CETN3: variants seen among roughly 807,000 people sequenced by gnomAD.
CETN3 encodes centrin 3, also known as centrin-3.
CETN3 carries 17 observed loss-of-function variants against 20.1 expected under a neutral mutation model. The ratio of observed to expected loss-of-function variants is 0.85; its 90% CI spans 0.58 to 1.27. The LOEUF (loss-of-function observed/expected upper bound fraction) is 1.27. Among genes scored for constraint, CETN3 ranks in the 50% most tolerant of loss-of-function variants. CETN3 has a pLI of 0.00. For synonymous variants in CETN3, 52 were observed against 59.7 expected (o/e 0.87, Z 0.59); for missense variants, 169 against 191.2 (o/e 0.88, Z 0.69).
At chr5:90,394,184 A>G in intron 4 of CETN3, 77 bp from the exon 5 acceptor site, 1 of 967,508 alleles carries the variant, frequency 1.0e-6, no homozygotes, top group East Asian at 2.6e-5. Context: ...ACCATTTTAC[A>G]CTAAGTATTT....
intron 2 of CETN3, among the ~76,000 whole-genome samples, chr5:90,406,420 G>T (rs1008031642): frequency 4.0e-5 from 6 of 151,594 alleles, no homozygotes; most frequent in Non-Finnish European, 7.4e-5. Context: ...AAACGAATAG[G>T]TTCGAAGGAC....
chr5:90,409,092 G>C (rs1184226824), intron 1 of CETN3, among the ~76,000 whole-genome samples: 1 of 152,186 alleles, frequency 6.6e-6, no homozygotes, highest in African/African-American at 2.4e-5. Flanking sequence ...CAGAGGGTTA[G>C]AGGTTAGAAC....
chr5:90,394,074 C>T lies in CETN3; in HGVS notation c.494G>A (p.Gly165Asp). Residue 165 changes from glycine (G) to aspartate (D), a missense_variant, in exon 5 of 5, where the codon GGT (glycine) becomes GAT (aspartate). By Grantham distance (94) the Gly-to-Asp change is moderately conservative (BLOSUM62 -1). Coordinates refer to ENST00000283122, the MANE Select transcript of CETN3 (RefSeq NM_004365.4). Reference sequence around the variant, plus strand: ...TATCCTTGTAATTCTTTAAATGTCACCAGTCATAATAGCAATGAACTCCTC... The same window carrying T: ...TATCCTTGTAATTCTTTAAATGTCATCAGTCATAATAGCAATGAACTCCTC... ...NQEEFIAIMT[G>D]DI is the part of the protein sequence containing the mutation. The T allele has an allele frequency of 6.5e-7, 1 of 1,545,376 alleles. No individual in the cohort carries two copies. Among genetic ancestry groups the T allele is most frequent in the East Asian group, 2.3e-5 (1 of 43,432 alleles).
At chr5:90,398,881 T>G (rs905876197) in intron 4 of CETN3, among the ~76,000 whole-genome samples, 4 of 152,228 alleles carry the variant, frequency 2.6e-5, no homozygotes, top group African/African-American at 9.6e-5. Context: ...GAACCACATC[T>G]GCCTTTTTCA....
chr5:90,399,635 A>G, intron 3 of CETN3, 86 bp from the exon 4 acceptor site: 1 of 1,055,432 alleles, frequency 9.5e-7, no homozygotes, highest in Non-Finnish European at 1.4e-6. Flanking sequence ...ATTAGATGAG[A>G]ATTAAAGCTG....
Position 90,405,685 on chromosome 5 carries a change from C to G in CETN3, c.268G>C (p.Val90Leu). The G allele has an allele frequency of 1.9e-6, 3 of 1,567,164 alleles. No homozygotes were observed. Among genetic ancestry groups the G allele is most frequent in the Non-Finnish European group, 2.6e-6 (3 of 1,137,704 alleles). The change falls in exon 3 of 5, where the codon GTG becomes CTG. Residue 90 changes from valine (V) to leucine (L), a missense_variant and splice_region_variant. Transcript: ENST00000283122. ...TTACAAAGACTATTAAAATACACACCAACTTCATTAAAATCTTCAAAGGTG... is the reference window on the plus strand; with the variant it reads ...TTACAAAGACTATTAAAATACACACGAACTTCATTAAAATCTTCAAAGGTG... The part of the protein sequence containing the change: ...KITFEDFNEV[V>L]TDWILERDPH...
intron 2 of CETN3, among the ~76,000 whole-genome samples, chr5:90,406,704 A>T (rs1343491011): frequency 2.0e-5 from 3 of 151,544 alleles, no homozygotes; most frequent in Non-Finnish European, 3.0e-5. Flanking sequence ...AACTATCTAA[A>T]TTCAGTGGTA....
intron 2 of CETN3, among the ~76,000 whole-genome samples, chr5:90,406,668 T>C (rs953821148): frequency 1.3e-5 from 2 of 151,300 alleles, no homozygotes; most frequent in African/African-American, 4.8e-5. Flanking sequence ...ATGAACAATT[T>C]ATGAGCAATG....
Position 90,407,801 on chromosome 5 carries a change from T to A in CETN3, c.51A>T (p.Lys17Asn). Residue 17 changes from lysine (K) to asparagine (N), a missense_variant, in exon 2 of 5, where the codon AAA becomes AAT. Physicochemically the swap from Lys to Asn is moderately conservative, Grantham distance 94. Coordinates refer to ENST00000283122, the MANE Select transcript of CETN3 (RefSeq NM_004365.4). ...GTTCCTCAGACAGTTCTCTTCTTTT[T>A]TTCCTCTTTGTTTTGTCCACTACAA... is the stretch of plus-strand genomic sequence containing the variant. ...SELVVDKTKR[K>N]KRRELSEEQK... 1 of 1,603,022 alleles carries A rather than the reference T, an allele frequency of 6.2e-7. No individual in the cohort carries two copies.
Position 90,394,052 on chromosome 5 carries a change from C to G in CETN3, c.*12G>C. 1 of 1,514,668 alleles carries G rather than the reference C, an allele frequency of 6.6e-7. No homozygotes were observed. Among genetic ancestry groups the G allele is most frequent in the Non-Finnish European group, 9.1e-7 (1 of 1,099,656 alleles). The allele number at this position is 1,514,668 out of a possible 1,614,324, so 93.8% of individuals were successfully genotyped here. ...TAACTGCAACATTCTTAGTGTTTATCCTTGTAATTCTTTAAATGTCACCAG... is the reference window on the plus strand; with the variant it reads ...TAACTGCAACATTCTTAGTGTTTATGCTTGTAATTCTTTAAATGTCACCAG... On this transcript the variant is annotated 3_prime_UTR_variant, in exon 5 of 5. Transcript: ENST00000283122.
intron 3 of CETN3, among the ~76,000 whole-genome samples, chr5:90,403,805 A>G (rs1332675341): frequency 7.4e-6 from 1 of 134,678 alleles, no homozygotes; most frequent in African/African-American, 2.8e-5. Context: ...CGGGAGGCGG[A>G]GCTTGCAGTG....
rs774408594 is a variant in CETN3 at position 90,407,728 on chromosome 5, C to T, written c.124G>A (p.Asp42Asn). ...AATTCATGATAATCTATTGCTTCAT[C>T]TTTGTCTGTATCAAATAGTTCAAAA... Reference protein sequence around the residue: ...DAFELFDTDKDEAIDYHELKV... With the variant: ...DAFELFDTDKNEAIDYHELKV... The change falls in exon 2 of 5, where the codon GAT becomes AAT. Residue 42 changes from aspartate (D) to asparagine (N), a missense_variant. Transcript: ENST00000283122. The T allele has an allele frequency of 1.7e-5, 26 of 1,563,336 alleles. No homozygotes were observed. The highest frequency in any genetic ancestry group is 2.3e-5 in the Non-Finnish European group (26 of 1,145,260).
intron 4 of CETN3, chr5:90,396,006 C>A: frequency 1.1e-6 from 1 of 887,184 alleles, no homozygotes; most frequent in South Asian, 5.2e-5. Context: ...AAACAAAGAC[C>A]AAATCAGTGT....
intron 3 of CETN3, among the ~76,000 whole-genome samples, chr5:90,404,997 T>C (rs1415135963): frequency 6.6e-6 from 1 of 152,208 alleles, no homozygotes; most frequent in Admixed American, 6.5e-5. Flanking sequence ...GCCTGGTCTA[T>C]ATATGCTATA....
At chr5:90,408,956 C>A (rs1220233464) in intron 1 of CETN3, among the ~76,000 whole-genome samples, 1 of 152,022 alleles carries the variant, frequency 6.6e-6, no homozygotes, top group Non-Finnish European at 1.5e-5. Flanking sequence ...AGTCCAGAAC[C>A]GACCCACCCC....
At chr5:90,403,875 GAAAAA>G (rs60385437) in intron 3 of CETN3, among the ~76,000 whole-genome samples, 2,238 of 86,736 alleles carry the variant, frequency 0.026, 57 homozygotes, top group East Asian at 0.19. Flanking sequence ...TGTCTCAAAA[GAAAAA>G]AAAAAAAAAA....
intron 4 of CETN3, among the ~76,000 whole-genome samples, chr5:90,396,796 A>G (rs1749146717): frequency 6.6e-6 from 1 of 152,162 alleles, no homozygotes; most frequent in African/African-American, 2.4e-5. Context: ...GTTTATATAC[A>G]AAAACTTTAA....
chr5:90,395,656 T>C (rs964914005), intron 4 of CETN3: 1 of 165,088 alleles, frequency 6.1e-6, no homozygotes, highest in African/African-American at 2.4e-5. Flanking sequence ...TCTTGATATA[T>C]GAAATTTATT....
At chr5:90,405,110 T>C (rs958661584) in intron 3 of CETN3, among the ~76,000 whole-genome samples, 2 of 152,190 alleles carry the variant, frequency 1.3e-5, no homozygotes, top group East Asian at 1.9e-4. Context: ...GCTTCCAGTA[T>C]GCCCACTGCC....
Sources: allele counts gnomAD v4.1 joint callset (sites outside exome capture counted in the v4.1 genomes callset), GRCh38; gene constraint gnomAD v4.1.1; transcripts MANE v1.5; gene names NCBI Gene and HGNC (gene_info 2026-07-23, HGNC 2026-07-21).